The following ATAD2B variants were observed in gnomAD, a reference collection of about 807,000 sequenced individuals.
ATAD2B encodes the protein ATPase family AAA domain-containing protein 2B.
Under a neutral mutation model 167.6 loss-of-function variants are expected in ATAD2B, and 40 were observed. The observed-to-expected ratio is 0.24, with a 90% CI of 0.19 to 0.31. ATAD2B has a LOEUF of 0.31. Ranked by LOEUF, ATAD2B falls within the 10% of genes least tolerant of loss-of-function variation. The probability of loss-of-function intolerance (pLI) is 1.00; values close to 1 mark genes in which losing one functional copy is unlikely to be tolerated. For missense variants in ATAD2B, 1,242 were observed against 1,757.2 expected, an observed-to-expected ratio of 0.71 and a Z score of 5.24; for synonymous variants, 579 against 596.5, an observed-to-expected ratio of 0.97 and a Z score of 0.43.
intron 1 of ATAD2B, among the ~76,000 whole-genome samples, chr2:23,925,910 T>C (rs919162562): frequency 2.6e-5 from 4 of 152,226 alleles, no homozygotes; most frequent in Non-Finnish European, 5.9e-5. Context: ...CTCTGGTTCC[T>C]ACTAGCACCT....
chr2:23,741,469 A>G, the ATAD2B span, among the ~76,000 whole-genome samples: 4 of 151,920 alleles, frequency 2.6e-5, no homozygotes, highest in African/African-American at 9.7e-5. Flanking sequence ...TCCCTATTTA[A>G]TAAATGGTGC....
At chr2:23,711,568 A>G in the ATAD2B span, among the ~76,000 whole-genome samples, 1 of 151,570 alleles carries the variant, frequency 6.6e-6, no homozygotes, top group Non-Finnish European at 1.5e-5. Context: ...TGGGGGTTTC[A>G]CCATGTTGGC....
intron 22 of ATAD2B, among the ~76,000 whole-genome samples, chr2:23,775,982 G>A (rs1027104111): frequency 1.3e-5 from 2 of 152,174 alleles, no homozygotes; most frequent in African/African-American, 4.8e-5. Context: ...TGGGTGTGAT[G>A]GTACACGCCT....
chr2:23,806,022 C>CTA (rs1401617998), intron 18 of ATAD2B: 2 of 152,134 alleles, frequency 1.3e-5, no homozygotes, highest in African/African-American at 4.8e-5. Context: ...TTTTCCCAGA[C>CTA]TATATCTATT....
At chr2:23,829,576 C>T (rs377128060) in intron 14 of ATAD2B, among the ~76,000 whole-genome samples, 7 of 152,090 alleles carry the variant, frequency 4.6e-5, no homozygotes, top group Non-Finnish European at 1.0e-4. Flanking sequence ...CATAGTGACA[C>T]CCTGTCTCTA....
intron 10 of ATAD2B, chr2:23,865,889 T>C (rs1446815676): frequency 5.4e-6 from 3 of 558,070 alleles, no homozygotes; most frequent in African/African-American, 2.0e-5. Context: ...AAAAAAAGTG[T>C]ACAGACAAAA....
At chr2:23,734,580 T>C in the ATAD2B span, among the ~76,000 whole-genome samples, 1 of 152,150 alleles carries the variant, frequency 6.6e-6, no homozygotes, top group Non-Finnish European at 1.5e-5. Context: ...GCAGGGGAAG[T>C]AGGCACGTCT....
intron 13 of ATAD2B, among the ~76,000 whole-genome samples, chr2:23,852,978 G>A (rs1245688159): frequency 6.6e-6 from 1 of 151,136 alleles, no homozygotes; most frequent in Non-Finnish European, 1.5e-5. Flanking sequence ...ATAGAATACA[G>A]GAGAAAAGCC....
At chr2:23,740,361 G>C in the ATAD2B span, among the ~76,000 whole-genome samples, 218 of 152,178 alleles carry the variant, frequency 1.4e-3, 4 homozygotes, top group Admixed American at 0.012. Context: ...CCATGATCAA[G>C]TGGGCTTCAT....
intron 1 of ATAD2B, among the ~76,000 whole-genome samples, chr2:23,912,381 C>T (rs969236111): frequency 1.3e-5 from 2 of 152,072 alleles, no homozygotes; most frequent in Admixed American, 1.3e-4. Context: ...GTGGCACACA[C>T]CTGTAGTCCT....
intron 1 of ATAD2B, among the ~76,000 whole-genome samples, chr2:23,904,211 T>TA (rs967844551): frequency 6.6e-6 from 1 of 151,908 alleles, no homozygotes; most frequent in African/African-American, 2.4e-5. Flanking sequence ...GTCAAAACCT[T>TA]AAAAAAATGC....
At chr2:23,924,046 G>T (rs1704344514) in intron 1 of ATAD2B, among the ~76,000 whole-genome samples, 1 of 152,178 alleles carries the variant, frequency 6.6e-6, no homozygotes. Flanking sequence ...AGCCGGGCGT[G>T]GTGGCGGGCG....
chr2:23,721,150 C>G, the ATAD2B span, among the ~76,000 whole-genome samples: 1 of 152,218 alleles, frequency 6.6e-6, no homozygotes, highest in Non-Finnish European at 1.5e-5. Flanking sequence ...TGTGCCCTAC[C>G]CCTCAAGCCT....
At position 23,754,284 on chromosome 2, in the gene ATAD2B, A is replaced by C. The variant is rs757280237; in HGVS notation, c.4230T>G (p.Asp1410Glu). The change falls in exon 27 of 28, where the codon GAT becomes GAG. Residue 1410 changes from aspartate to glutamate, a missense_variant. Asp to Glu is a conservative substitution (Grantham distance 45). Around this residue, in one of 9 missense-constraint regions of ATAD2B, gnomAD observed 282 missense variants for 346.8 expected, o/e 0.81. Transcript: ENST00000238789. ...RLKKLLDLLV[D>E]KSNNLAVDQL... ...GATCAACTGCCAGATTGTTGCTTTT[A>C]TCCACCAACAAATCAAGCAATTTCT... 6 of 1,558,370 alleles carry C rather than the reference A, an allele frequency of 3.9e-6. No individual in the cohort carries two copies. The highest frequency in any genetic ancestry group is 8.7e-7 in the Non-Finnish European group (1 of 1,153,444).
the ATAD2B span, among the ~76,000 whole-genome samples, chr2:23,685,780 C>T: frequency 1.3e-5 from 2 of 152,204 alleles, no homozygotes; most frequent in African/African-American, 2.4e-5. Flanking sequence ...TGTCTAGTGG[C>T]CTCACCAGGC....
chr2:23,839,290 G>A (rs1373352512), intron 13 of ATAD2B, among the ~76,000 whole-genome samples: 1 of 152,080 alleles, frequency 6.6e-6, no homozygotes, highest in Non-Finnish European at 1.5e-5. Flanking sequence ...TTGGTCAGAA[G>A]TGTTCATAGC....
chr2:23,684,431 G>A, the ATAD2B span: 2 of 1,549,886 alleles, frequency 1.3e-6, no homozygotes, highest in East Asian at 2.4e-5. The surrounding 1 kb of genome is among the most constrained non-coding windows in gnomAD (Gnocchi z 4.4). Context: ...GCAACGCAGA[G>A]CGAAAGCGTT....
chr2:23,869,237 C>A (rs1278063098), intron 9 of ATAD2B, among the ~76,000 whole-genome samples: 2 of 152,086 alleles, frequency 1.3e-5, no homozygotes, highest in Non-Finnish European at 2.9e-5. Flanking sequence ...ACAACAAAAA[C>A]AAAGTAATTT....
chr2:23,760,621 G>A (rs1676534922), intron 24 of ATAD2B, among the ~76,000 whole-genome samples: 1 of 150,010 alleles, frequency 6.7e-6, no homozygotes, highest in South Asian at 2.1e-4. Context: ...CCAAGACTGA[G>A]CCACTGCACT....
Sources: gnomAD v4.1 joint callset for allele counts (sites outside exome capture counted in the v4.1 genomes callset) on GRCh38, gnomAD v4.1.1 for gene constraint, gnomAD v4.1.1 regional missense constraint, Gnocchi (gnomAD v3.1) non-coding constraint, MANE v1.5 for transcripts, NCBI Gene and HGNC (gene_info 2026-07-23, HGNC 2026-07-21) for gene names.